Variants in FHOD3 observed in about 807,000 individuals in gnomAD.
FHOD3 encodes FH1/FH2 domain-containing protein 3.
In FHOD3, 90 loss-of-function variants were observed where a neutral mutation model predicts 173.0. The observed-to-expected ratio is 0.52, with a 90% confidence interval of 0.44 to 0.62. The LOEUF (loss-of-function observed/expected upper bound fraction) is 0.62, where lower values mean the gene tolerates loss of function less well. FHOD3 is among the 20% of genes least tolerant of loss of function. The pLI is 0.00. For missense variants in FHOD3, 1,945 were observed against 2,034.7 expected (o/e 0.96, Z 0.85); for synonymous variants, 828 against 823.0 (o/e 1.01, Z -0.10).
At chr18:36,596,384 C>T (rs925097431) in intron 7 of FHOD3, among the ~76,000 whole-genome samples, 4 of 131,098 alleles carry the variant, frequency 3.1e-5, no homozygotes, top group African/African-American at 8.7e-5. Context: ...AGGGTATCAC[C>T]GTGTTAGCCA....
chr18:36,363,698 T>C (rs1304882834), intron 2 of FHOD3, among the ~76,000 whole-genome samples: 3 of 152,192 alleles, frequency 2.0e-5, no homozygotes, highest in Non-Finnish European at 4.4e-5. Context: ...TAGGGCAGTG[T>C]CACTGCTCTG....
chr18:36,652,919 A>G lies in FHOD3; in HGVS notation c.1636A>G (p.Lys546Glu), dbSNP rs905572228. The change falls in exon 12 of 29, where the codon AAG (lysine) becomes GAG (glutamate). Residue 546 changes from lysine (K) to glutamate (E), a missense_variant. Lys to Glu is a moderately conservative substitution (Grantham distance 56). Around this residue, in one of 5 missense-constraint regions of FHOD3, gnomAD observed 1,099 missense variants for 1,051.2 expected, o/e 1.05. Transcript: ENST00000590592. ...STKEKEAESQ[K>E]ENSSSDSFSL... The stretch of plus-strand genomic sequence containing the variant: ...CAAGGAGAAGGAAGCAGAGTCCCAG[A>G]AGGAAAACAGGTAGATTTGCTCACC... The G allele has an allele frequency of 9.8e-6, 15 of 1,531,496 alleles. No homozygotes were observed. The highest frequency in any genetic ancestry group is 1.1e-5 in the Non-Finnish European group (13 of 1,143,328). The allele number at this position is 1,531,496 out of a possible 1,614,324, so 94.9% of individuals were successfully genotyped here.
At chr18:36,603,296 A>G (rs1479326646) in intron 8 of FHOD3, among the ~76,000 whole-genome samples, 1 of 152,070 alleles carries the variant, frequency 6.6e-6, no homozygotes, top group Non-Finnish European at 1.5e-5. Flanking sequence ...AGTGGCTGGA[A>G]CCACAGCTGC....
chr18:36,644,169 G>A (rs899000686), intron 10 of FHOD3, among the ~76,000 whole-genome samples: 8 of 152,118 alleles, frequency 5.3e-5, no homozygotes, highest in African/African-American at 1.9e-4. Context: ...AACAGGCCTG[G>A]GCCCTGGAGT....
At chr18:36,386,617 CA>C (rs1452768612) in intron 3 of FHOD3, among the ~76,000 whole-genome samples, 1 of 152,112 alleles carries the variant, frequency 6.6e-6, no homozygotes, top group Non-Finnish European at 1.5e-5. Flanking sequence ...AGGGTGTGTG[CA>C]TTGAGATGGT....
At chr18:36,622,989 C>A (rs2033828112) in intron 9 of FHOD3, among the ~76,000 whole-genome samples, 1 of 152,234 alleles carries the variant, frequency 6.6e-6, no homozygotes, top group Admixed American at 6.5e-5. Context: ...CTTGGGTCTA[C>A]CAAGATTCTG....
intron 17 of FHOD3, among the ~76,000 whole-genome samples, chr18:36,696,339 A>T (rs2039279575): frequency 6.6e-6 from 1 of 152,158 alleles, no homozygotes; most frequent in South Asian, 2.1e-4. Context: ...TACATTTCAG[A>T]ATTATATTTA....
At chr18:36,568,326 C>CAAAAAAA (rs71168234) in intron 5 of FHOD3, among the ~76,000 whole-genome samples, 1 of 24,064 alleles carries the variant, frequency 4.2e-5, no homozygotes, top group Non-Finnish European at 7.6e-5. Context: ...GACTCTGTCT[C>CAAAAAAA]AAAAAAAAAA....
chr18:36,363,861 A>G (rs1212064339), intron 2 of FHOD3, among the ~76,000 whole-genome samples: 1 of 145,968 alleles, frequency 6.9e-6, no homozygotes, highest in African/African-American at 2.5e-5. Flanking sequence ...CTTGCACACT[A>G]ATGCAAGATG....
chr18:36,425,842 T>C (rs575661360), intron 3 of FHOD3, among the ~76,000 whole-genome samples: 1 of 152,166 alleles, frequency 6.6e-6, no homozygotes, highest in Non-Finnish European at 1.5e-5. Context: ...GACACATACT[T>C]ATATGCATGT....
chr18:36,675,829 C>T (rs2037821542), intron 14 of FHOD3, among the ~76,000 whole-genome samples: 1 of 152,264 alleles, frequency 6.6e-6, no homozygotes, highest in South Asian at 2.1e-4. Flanking sequence ...GATCTGACCC[C>T]AAAACGTAAG....
At chr18:36,650,571 A>T (rs2035982356) in intron 11 of FHOD3, among the ~76,000 whole-genome samples, 1 of 152,218 alleles carries the variant, frequency 6.6e-6, no homozygotes. Context: ...CTAGTGATTG[A>T]TTACTTAGAG....
At chr18:36,755,345 T>C in intron 25 of FHOD3, 34 bp downstream of exon 25, 1 of 1,434,658 alleles carries the variant, frequency 7.0e-7, no homozygotes, top group African/African-American at 1.4e-5. Context: ...CTTATGTCAT[T>C]CGTTTTCAAA....
At chr18:36,512,641 C>A in intron 5 of FHOD3, 98 bp downstream of exon 5, 1 of 840,868 alleles carries the variant, frequency 1.2e-6, no homozygotes, top group South Asian at 1.5e-5. Context: ...TAAAAGACTT[C>A]GATTTGAGAG....
At chr18:36,701,197 C>T (rs961365739) in intron 17 of FHOD3, among the ~76,000 whole-genome samples, 1 of 152,092 alleles carries the variant, frequency 6.6e-6, no homozygotes, top group Non-Finnish European at 1.5e-5. Flanking sequence ...TCCTCTCTAC[C>T]CAGGAAGAAA....
intron 3 of FHOD3, among the ~76,000 whole-genome samples, chr18:36,480,197 T>A (rs2053808110): frequency 6.6e-6 from 1 of 152,172 alleles, no homozygotes; most frequent in Admixed American, 6.5e-5. Flanking sequence ...ACATACCTTT[T>A]CCTCCTCAGT....
chr18:36,659,202 A>G (rs970164592), intron 14 of FHOD3, among the ~76,000 whole-genome samples: 3 of 152,044 alleles, frequency 2.0e-5, no homozygotes, highest in African/African-American at 7.2e-5. Flanking sequence ...CCCTGGGAGG[A>G]AGGGAGGTCC....
At position 36,649,297 on chromosome 18, in the gene FHOD3, T is replaced by C; in HGVS notation, c.1197-19T>C. 1 of 1,533,980 alleles carries C rather than the reference T, an allele frequency of 6.5e-7. No homozygotes were observed. Among genetic ancestry groups the C allele is most frequent in the East Asian group, 2.4e-5 (1 of 40,882 alleles). ...CCATGTTGTCTGTGTGCATTTCTCT[T>C]TTCCTGGCTTTGTCTCAGGGAGGAG... On this transcript the variant is annotated intron_variant, in intron 10 of 28. Coordinates refer to ENST00000590592, the MANE Select transcript of FHOD3 (RefSeq NM_001281740.3).
intron 16 of FHOD3, 147 bp downstream of exon 16, chr18:36,687,325 T>C: frequency 1.7e-6 from 1 of 600,468 alleles, no homozygotes; most frequent in Non-Finnish European, 2.9e-6. Flanking sequence ...AGTGTACTAG[T>C]TACCTAAATT....
Sources: gnomAD v4.1 joint callset for allele counts (sites outside exome capture counted in the v4.1 genomes callset) on GRCh38, gnomAD v4.1.1 for gene constraint, gnomAD v4.1.1 regional missense constraint, MANE v1.5 for transcripts, NCBI Gene and HGNC (gene_info 2026-07-23, HGNC 2026-07-21) for gene names.